SNTG1: variants seen among roughly 807,000 people sequenced by gnomAD.
SNTG1 encodes syntrophin gamma 1.
SNTG1 carries 39 observed loss-of-function variants against 74.7 expected under a neutral mutation model. The observed-to-expected ratio is 0.52, with a 90% CI of 0.40 to 0.68. The LOEUF is 0.68. Among genes scored for constraint, SNTG1 ranks in the 30% least tolerant of loss-of-function variants. The pLI is 0.00. For synonymous variants in SNTG1, 254 were observed against 217.1 expected (o/e 1.17, Z -1.49); for missense variants, 685 against 609.5 (o/e 1.12, Z -1.30).
At chr8:49,984,002 A>G (rs565516092) in intron 1 of SNTG1, among the ~76,000 whole-genome samples, 27 of 152,242 alleles carry the variant, frequency 1.8e-4, no homozygotes, top group African/African-American at 6.5e-4. Flanking sequence ...TTCTATAGCC[A>G]CTGTATTTCT....
intron 17 of SNTG1, 132 bp downstream of exon 17, chr8:50,709,110 T>G: frequency 1.4e-6 from 1 of 691,812 alleles, no homozygotes; most frequent in Non-Finnish European, 2.4e-6. Flanking sequence ...TTTTTGTTAA[T>G]GGAAGATAAA....
intron 15 of SNTG1, among the ~76,000 whole-genome samples, chr8:50,687,253 A>G (rs2095356709): frequency 6.6e-6 from 1 of 152,072 alleles, no homozygotes; most frequent in South Asian, 2.1e-4. Flanking sequence ...AAAATGAAAT[A>G]AACAAACAAA....
chr8:50,679,231 A>G (rs540127702), intron 15 of SNTG1, among the ~76,000 whole-genome samples: 1 of 152,168 alleles, frequency 6.6e-6, no homozygotes, highest in Admixed American at 6.6e-5. Flanking sequence ...GTTATTCATT[A>G]TGTACTAAGT....
At chr8:50,402,105 C>T in intron 3 of SNTG1, 105 bp from the exon 4 acceptor site, 1 of 1,174,688 alleles carries the variant, frequency 8.5e-7, no homozygotes, top group Non-Finnish European at 1.2e-6. Context: ...TTTTCACCAC[C>T]TCTTAAATGT....
intron 2 of SNTG1, among the ~76,000 whole-genome samples, chr8:50,390,221 A>G (rs1285297411): frequency 1.3e-5 from 2 of 152,176 alleles, no homozygotes; most frequent in African/African-American, 4.8e-5. Flanking sequence ...TTTTAGGTCT[A>G]ACATTTAAGT....
intron 1 of SNTG1, among the ~76,000 whole-genome samples, chr8:50,081,959 C>T (rs62515420): frequency 0.11 from 17,085 of 152,134 alleles, 1,336 homozygotes; most frequent in Non-Finnish European, 0.16. Context: ...CTTCTTTCTC[C>T]CTGTGCATTA....
Position 50,757,336 on chromosome 8 carries a change from T to C in SNTG1, c.1395+5225T>C, listed in dbSNP as rs568790829. ...ATTTCTTCTTGAAGTTCTGTCAGTT[T>C]AGCCTTACATATTTGTATGCTCTAT... On this transcript the variant is annotated intron_variant, in intron 18 of 18. Coordinates refer to ENST00000642720, the MANE Select transcript of SNTG1 (RefSeq NM_018967.5). Among the ~76,000 whole-genome samples the C allele has an allele frequency of 4.3e-4, 65 of 152,022 alleles. 1 individual carries two copies. In the South Asian group the frequency reaches 0.011, roughly 25 times the overall value.
chr8:49,932,849 A>C (rs1203885255), intron 1 of SNTG1, among the ~76,000 whole-genome samples: 5 of 152,162 alleles, frequency 3.3e-5, no homozygotes, highest in African/African-American at 1.2e-4. Context: ...CTGGACATTT[A>C]ATATAAATGA....
intron 1 of SNTG1, among the ~76,000 whole-genome samples, chr8:49,969,221 A>G (rs567747566): frequency 6.6e-6 from 1 of 151,908 alleles, no homozygotes; most frequent in East Asian, 1.9e-4. Flanking sequence ...TACTTTTTAA[A>G]TTTTTTTCTT....
chr8:49,924,209 T>C (rs1806814510), intron 1 of SNTG1, among the ~76,000 whole-genome samples: 3 of 152,202 alleles, frequency 2.0e-5, no homozygotes, highest in Admixed American at 6.5e-5. Context: ...GTTTCACCGG[T>C]AGTATCTGAA....
chr8:50,764,054 G>A (rs2131751572), intron 18 of SNTG1, among the ~76,000 whole-genome samples: 1 of 151,564 alleles, frequency 6.6e-6, no homozygotes, highest in East Asian at 2.0e-4. Flanking sequence ...TTTTTACAAT[G>A]GCCCCAATAA....
chr8:50,020,056 C>G (rs1250880743), intron 1 of SNTG1, among the ~76,000 whole-genome samples: 1 of 152,096 alleles, frequency 6.6e-6, no homozygotes, highest in East Asian at 1.9e-4. Flanking sequence ...ACTAATTGAG[C>G]CTTTTGTGCC....
chr8:50,104,382 G>C (rs754535485), intron 1 of SNTG1, among the ~76,000 whole-genome samples: 27 of 152,124 alleles, frequency 1.8e-4, no homozygotes, highest in Non-Finnish European at 2.9e-4. Flanking sequence ...ATGGTAGTTT[G>C]TATTTCTGTG....
intron 2 of SNTG1, among the ~76,000 whole-genome samples, chr8:50,207,849 A>G (rs199848819): frequency 1.3e-5 from 2 of 152,146 alleles, no homozygotes; most frequent in Admixed American, 6.6e-5. Flanking sequence ...AGAGCAGGTT[A>G]TTCAGTTTCC....
At chr8:50,039,482 AACTC>A (rs1818452074) in intron 1 of SNTG1, among the ~76,000 whole-genome samples, 1 of 140,862 alleles carries the variant, frequency 7.1e-6, no homozygotes, top group Admixed American at 7.3e-5. Context: ...AAAAAAAAAA[AACTC>A]AAGTTAATTC....
intron 2 of SNTG1, among the ~76,000 whole-genome samples, chr8:50,223,824 C>A (rs2085188255): frequency 6.6e-6 from 1 of 152,054 alleles, no homozygotes; most frequent in South Asian, 2.1e-4. Context: ...TGTTTAATTT[C>A]TTTTCAGTGT....
chr8:50,207,998 T>C lies in SNTG1; in HGVS notation c.-28+35363T>C, dbSNP rs578237199. ...GCTTTACTTCCAACTATGTGGTCAA[T>C]TTTGAAATAAGTGAAATATGGTGTT... On this transcript the variant is annotated intron_variant, in intron 2 of 18. Transcript: ENST00000642720. Among the ~76,000 whole-genome samples the C allele has an allele frequency of 9.8e-5, 15 of 152,326 alleles. No individual in the cohort carries two copies. The South Asian group carries it at 2.7e-3, about 27-fold the overall frequency.
At chr8:50,465,811 T>C (rs1256000202) in intron 8 of SNTG1, among the ~76,000 whole-genome samples, 1 of 152,198 alleles carries the variant, frequency 6.6e-6, no homozygotes, top group Non-Finnish European at 1.5e-5. Flanking sequence ...TCCCATCATA[T>C]GGATGCAGTA....
At chr8:50,217,799 G>A (rs941307597) in intron 2 of SNTG1, among the ~76,000 whole-genome samples, 1 of 152,128 alleles carries the variant, frequency 6.6e-6, no homozygotes, top group Non-Finnish European at 1.5e-5. Context: ...CTGTTGTTCT[G>A]ATCTCCAGCT....
Sources: allele counts gnomAD v4.1 joint callset (sites outside exome capture counted in the v4.1 genomes callset), GRCh38; gene constraint gnomAD v4.1.1; transcripts MANE v1.5; gene names NCBI Gene and HGNC (gene_info 2026-07-23, HGNC 2026-07-21).